APBB2: variants seen among roughly 807,000 people sequenced by gnomAD.
APBB2 encodes Fe65-like 1.
APBB2 carries 38 observed loss-of-function variants against 82.5 expected under a neutral mutation model. The observed-to-expected ratio is 0.46, with a 90% CI of 0.36 to 0.60. The LOEUF is 0.60. Ranked by LOEUF, APBB2 falls within the 20% of genes least tolerant of loss-of-function variation. APBB2 has a pLI of 0.00. For missense variants in APBB2, 772 were observed against 972.3 expected (o/e 0.79, Z 2.74); for synonymous variants, 341 against 368.2 (o/e 0.93, Z 0.85).
intron 6 of APBB2, among the ~76,000 whole-genome samples, chr4:40,947,573 C>T (rs1460725161): frequency 6.6e-6 from 1 of 152,166 alleles, no homozygotes; most frequent in African/African-American, 2.4e-5. Flanking sequence ...TTAAACCCAC[C>T]CTAGTTTTAC....
At chr4:40,941,962 G>C (rs953894027) in intron 7 of APBB2, among the ~76,000 whole-genome samples, 2 of 152,138 alleles carry the variant, frequency 1.3e-5, no homozygotes, top group Non-Finnish European at 2.9e-5. Flanking sequence ...GGGGAGTAAA[G>C]AGTTAAGGCA....
At chr4:40,915,897 G>A (rs1779721796) in intron 10 of APBB2, among the ~76,000 whole-genome samples, 1 of 152,086 alleles carries the variant, frequency 6.6e-6, no homozygotes, top group African/African-American at 2.4e-5. Flanking sequence ...CCAGAGTTGT[G>A]ACTAATAAGA....
intron 1 of APBB2, among the ~76,000 whole-genome samples, chr4:41,199,916 G>T (rs1776264400): frequency 6.6e-6 from 1 of 152,152 alleles, no homozygotes; most frequent in South Asian, 2.1e-4. Flanking sequence ...CTGTATGCTA[G>T]AAAACAAAGA....
chr4:41,211,245 ACT>A (rs1779237744), intron 1 of APBB2, among the ~76,000 whole-genome samples: 1 of 151,606 alleles, frequency 6.6e-6, no homozygotes, highest in Admixed American at 6.6e-5. Context: ...ACAGACTGAA[ACT>A]CTGTCTCAAA....
At chr4:40,880,853 A>T (rs1268312804) in intron 12 of APBB2, 1 of 985,154 alleles carries the variant, frequency 1.0e-6, no homozygotes, top group Admixed American at 6.2e-5. Context: ...GAAATCCTGA[A>T]CCATGCTTTG....
At chr4:40,829,234 G>A (rs779625270) in intron 13 of APBB2, among the ~76,000 whole-genome samples, 13 of 152,154 alleles carry the variant, frequency 8.5e-5, no homozygotes, top group Non-Finnish European at 1.8e-4. Flanking sequence ...GGACAGAGCA[G>A]CCCCTGGCCC....
chr4:41,034,580 C>T (rs1044150035), intron 4 of APBB2, among the ~76,000 whole-genome samples: 1 of 152,218 alleles, frequency 6.6e-6, no homozygotes, highest in African/African-American at 2.4e-5. Flanking sequence ...CCACCTTGGC[C>T]TCCCAAAGTG....
intron 1 of APBB2, among the ~76,000 whole-genome samples, chr4:41,211,584 G>C (rs1779334834): frequency 6.6e-6 from 1 of 152,096 alleles, no homozygotes; most frequent in South Asian, 2.1e-4. Flanking sequence ...CCAGGTTCAA[G>C]TGATTCTCCT....
At chr4:41,027,352 A>T (rs1413876285) in intron 5 of APBB2, among the ~76,000 whole-genome samples, 1 of 129,032 alleles carries the variant, frequency 7.8e-6, no homozygotes, top group African/African-American at 2.9e-5. Flanking sequence ...TATTTTTATA[A>T]ACATATTGTT....
intron 10 of APBB2, among the ~76,000 whole-genome samples, chr4:40,919,791 G>A (rs1050304848): frequency 3.3e-5 from 5 of 152,202 alleles, no homozygotes; most frequent in Admixed American, 6.5e-5. Context: ...TCTACAACAC[G>A]TCTTGTTTCA....
At chr4:41,094,731 A>T (rs901748273) in intron 3 of APBB2, among the ~76,000 whole-genome samples, 1 of 152,002 alleles carries the variant, frequency 6.6e-6, no homozygotes, top group Non-Finnish European at 1.5e-5. Flanking sequence ...CGCCCAGCTA[A>T]TTTTTGTATT....
At chr4:40,830,624 C>T (rs369261619) in intron 12 of APBB2, 47 bp from the exon 13 acceptor site, 2 of 1,111,224 alleles carry the variant, frequency 1.8e-6, no homozygotes, top group African/African-American at 1.5e-5. Context: ...AAGCTGATTA[C>T]CAACACATAC....
intron 5 of APBB2, among the ~76,000 whole-genome samples, chr4:41,020,891 T>C (rs982958123): frequency 8.5e-5 from 13 of 152,152 alleles, no homozygotes; most frequent in Non-Finnish European, 1.8e-4. Flanking sequence ...GGGAAGAGTG[T>C]TGTTTTTACA....
chr4:40,970,994 C>T (rs1464903572), intron 6 of APBB2, among the ~76,000 whole-genome samples: 10 of 152,178 alleles, frequency 6.6e-5, no homozygotes, highest in Non-Finnish European at 1.5e-5. Context: ...TCTGACTGTG[C>T]CATTTATTTA....
At chr4:40,840,413 C>T (rs538889973) in intron 12 of APBB2, among the ~76,000 whole-genome samples, 4 of 152,220 alleles carry the variant, frequency 2.6e-5, no homozygotes, top group African/African-American at 4.8e-5. Context: ...AATCAGGAAG[C>T]GAAAGTACGT....
At chr4:41,089,695 A>C (rs191466021) in intron 3 of APBB2, among the ~76,000 whole-genome samples, 68 of 152,336 alleles carry the variant, frequency 4.5e-4, no homozygotes, top group African/African-American at 1.5e-3. Context: ...AAGAGTCAAA[A>C]TTTAATTCAA....
At chr4:41,151,621 C>G (rs1185074614) in intron 1 of APBB2, among the ~76,000 whole-genome samples, 1 of 125,740 alleles carries the variant, frequency 8.0e-6, no homozygotes, top group Non-Finnish European at 1.6e-5. Context: ...CCTTGAATGA[C>G]AGCTTTTTTT....
At chr4:40,932,814 T>A (rs938402854) in intron 10 of APBB2, among the ~76,000 whole-genome samples, 3 of 152,206 alleles carry the variant, frequency 2.0e-5, no homozygotes, top group Non-Finnish European at 2.9e-5. Flanking sequence ...TAATAAAACA[T>A]AAAAGTTTTT....
chr4:40,945,094 G>GC (rs1788021319), intron 6 of APBB2, 21 bp from the exon 7 acceptor site: 1 of 881,324 alleles, frequency 1.1e-6, no homozygotes, highest in Admixed American at 1.9e-5. Flanking sequence ...GGGGGGCGGG[G>GC]CGGGGGGAGA....
Sources: allele counts gnomAD v4.1 joint callset (sites outside exome capture counted in the v4.1 genomes callset), GRCh38; gene constraint gnomAD v4.1.1; transcripts MANE v1.5; gene names NCBI Gene and HGNC (gene_info 2026-07-23, HGNC 2026-07-21).